Variants in CSNK1G3 observed in about 807,000 individuals in gnomAD.
CSNK1G3 encodes casein kinase I isoform gamma-3.
A neutral mutation model predicts 64.3 loss-of-function variants in CSNK1G3; 23 were observed. That is an observed-to-expected ratio of 0.36 (90% CI 0.26 to 0.51). CSNK1G3 has a LOEUF of 0.51. Ranked by LOEUF, CSNK1G3 falls within the 20% of genes least tolerant of loss-of-function variation. The pLI is 0.96. For synonymous variants in CSNK1G3, 158 were observed against 162.2 expected (o/e 0.97, Z 0.20); for missense variants, 357 against 510.5 (o/e 0.70, Z 2.90).
At chr5:123,548,647 A>G (rs1408805032) in intron 2 of CSNK1G3, among the ~76,000 whole-genome samples, 1 of 151,980 alleles carries the variant, frequency 6.6e-6, no homozygotes, top group Non-Finnish European at 1.5e-5. Flanking sequence ...AGTTCCAGTT[A>G]CTGGAGTGGA....
chr5:123,616,403 A>G (rs1749456810), exon 13 of CSNK1G3: 1 of 152,588 alleles, frequency 6.6e-6, no homozygotes, highest in Non-Finnish European at 1.5e-5. Flanking sequence ...TACAGTGTTT[A>G]TATGATCTGA....
At chr5:123,557,125 T>A (rs1204059701) in intron 3 of CSNK1G3, among the ~76,000 whole-genome samples, 1 of 152,120 alleles carries the variant, frequency 6.6e-6, no homozygotes, top group Non-Finnish European at 1.5e-5. Context: ...GACTTAACTT[T>A]AATCTAGAAC....
chr5:123,608,904 A>G (rs1398176208), intron 12 of CSNK1G3, among the ~76,000 whole-genome samples: 1 of 152,156 alleles, frequency 6.6e-6, no homozygotes, highest in Non-Finnish European at 1.5e-5. Flanking sequence ...GAAAGGGATA[A>G]TTTTTACTGG....
chr5:123,596,782 A>G (rs1009553891), intron 10 of CSNK1G3, among the ~76,000 whole-genome samples: 1 of 152,248 alleles, frequency 6.6e-6, no homozygotes. Flanking sequence ...ATGGAAATAC[A>G]TAGGTAAAAC....
chr5:123,604,508 G>C (rs754696678), intron 10 of CSNK1G3, among the ~76,000 whole-genome samples: 4 of 151,950 alleles, frequency 2.6e-5, no homozygotes, highest in Non-Finnish European at 4.4e-5. Context: ...GTTGAAAAGC[G>C]CATATTAGAT....
At chr5:123,560,097 A>C (rs1432085035) in intron 4 of CSNK1G3, among the ~76,000 whole-genome samples, 4 of 152,188 alleles carry the variant, frequency 2.6e-5, no homozygotes, top group Non-Finnish European at 5.9e-5. Context: ...AGATATACAA[A>C]TGGCTGATGA....
chr5:123,568,650 C>T (rs1470394836), intron 4 of CSNK1G3, among the ~76,000 whole-genome samples: 1 of 152,114 alleles, frequency 6.6e-6, no homozygotes, highest in Non-Finnish European at 1.5e-5. Flanking sequence ...CTCAGTTGGT[C>T]ATTGTCAGCC....
intron 1 of CSNK1G3, among the ~76,000 whole-genome samples, chr5:123,539,621 G>A (rs1375429381): frequency 6.6e-6 from 1 of 152,092 alleles, no homozygotes; most frequent in African/African-American, 2.4e-5. Flanking sequence ...ATGCTCATGA[G>A]AAATGCAGGT....
intron 1 of CSNK1G3, among the ~76,000 whole-genome samples, chr5:123,536,061 G>T (rs999223369): frequency 6.6e-6 from 1 of 152,074 alleles, no homozygotes. Flanking sequence ...CTTTTATTGT[G>T]GAACAGTTTT....
chr5:123,548,501 G>A (rs1783003800), intron 2 of CSNK1G3, among the ~76,000 whole-genome samples: 1 of 149,862 alleles, frequency 6.7e-6, no homozygotes, highest in Admixed American at 6.7e-5. Context: ...AAAAAAAATG[G>A]GTAAACATTT....
At chr5:123,517,024 T>C (rs116530528) in intron 1 of CSNK1G3, among the ~76,000 whole-genome samples, 431 of 152,328 alleles carry the variant, frequency 2.8e-3, no homozygotes, top group Non-Finnish European at 5.0e-3. Flanking sequence ...CCAAGGACTA[T>C]GTGATGCCTG....
At chr5:123,601,192 A>G (rs1044859434) in intron 10 of CSNK1G3, among the ~76,000 whole-genome samples, 11 of 152,178 alleles carry the variant, frequency 7.2e-5, no homozygotes, top group Admixed American at 1.3e-4. Flanking sequence ...ATATTTGTGC[A>G]TATTTGATTG....
At chr5:123,605,656 A>T (rs1192345882) in intron 12 of CSNK1G3, among the ~76,000 whole-genome samples, 1 of 152,080 alleles carries the variant, frequency 6.6e-6, no homozygotes, top group Non-Finnish European at 1.5e-5. Context: ...TTGTTTTATA[A>T]TAGTTTTTAT....
chr5:123,560,876 T>C (rs1180662084), intron 4 of CSNK1G3, among the ~76,000 whole-genome samples: 1 of 152,068 alleles, frequency 6.6e-6, no homozygotes, highest in Non-Finnish European at 1.5e-5. Flanking sequence ...GATGAACAAA[T>C]TTTGGAGATG....
At chr5:123,524,646 C>T (rs1226348912) in intron 1 of CSNK1G3, among the ~76,000 whole-genome samples, 2 of 152,142 alleles carry the variant, frequency 1.3e-5, no homozygotes, top group South Asian at 2.1e-4. Context: ...CCTCCTCCCC[C>T]ACTGTAAGAT....
exon 13 of CSNK1G3, chr5:123,614,479 G>A (rs372116190): frequency 4.9e-5 from 59 of 1,200,468 alleles, no homozygotes; most frequent in Non-Finnish European, 6.0e-5. Flanking sequence ...TAGTGACCAC[G>A]TATATTTTCA....
In CSNK1G3 at chr5:123,528,947, C is replaced by T. The variant is rs188297330; in HGVS notation, c.-248+16377C>T. On this transcript the variant is annotated intron_variant, in intron 1 of 12. Transcript: ENST00000345990. ...ACCCAATGTGCGTGTTCCCAGTTGA[C>T]GTTGAATAAAGTGATTCTCTGCTTT... Among the ~76,000 whole-genome samples the T allele has an allele frequency of 5.3e-5, 8 of 152,270 alleles. No homozygotes were observed. In the East Asian group the frequency reaches 5.8e-4, roughly 11 times the overall value.
intron 1 of CSNK1G3, among the ~76,000 whole-genome samples, chr5:123,525,382 G>C (rs1021591719): frequency 1.3e-5 from 2 of 151,590 alleles, no homozygotes; most frequent in Admixed American, 1.3e-4. Context: ...TGCGATCTCG[G>C]CTCACTACAA....
At chr5:123,588,906 CTTAAA>C (rs558108798) in intron 8 of CSNK1G3, among the ~76,000 whole-genome samples, 19 of 150,846 alleles carry the variant, frequency 1.3e-4, no homozygotes, top group Admixed American at 2.6e-4. Flanking sequence ...TCAAATTAAA[CTTAAA>C]TTAAGTAAGG....
Sources: gnomAD v4.1 joint callset for allele counts (sites outside exome capture counted in the v4.1 genomes callset) on GRCh38, gnomAD v4.1.1 for gene constraint, MANE v1.5 for transcripts, NCBI Gene and HGNC (gene_info 2026-07-23, HGNC 2026-07-21) for gene names.